The following SEMA3E variants were observed in gnomAD, a reference collection of about 807,000 sequenced individuals.
SEMA3E encodes the protein semaphorin-3E.
In SEMA3E, 49 loss-of-function variants were observed where a neutral mutation model predicts 93.6. The ratio of observed to expected loss-of-function variants is 0.52; its 90% CI spans 0.42 to 0.66. The LOEUF is 0.66. SEMA3E is among the 30% of genes least tolerant of loss of function. The probability of loss-of-function intolerance (pLI) is 0.00; values close to 1 mark genes in which losing one functional copy is unlikely to be tolerated. For synonymous variants in SEMA3E, 363 were observed against 330.7 expected (o/e 1.10, Z -1.06); for missense variants, 906 against 964.8 (o/e 0.94, Z 0.81).
chr7:83,528,433 G>A (rs1049934484), intron 1 of SEMA3E, among the ~76,000 whole-genome samples: 1 of 152,102 alleles, frequency 6.6e-6, no homozygotes, highest in Non-Finnish European at 1.5e-5. Context: ...ATTTATGAGA[G>A]ATCAGACCAT....
intron 1 of SEMA3E, among the ~76,000 whole-genome samples, chr7:83,523,080 T>C (rs1335028267): frequency 6.6e-6 from 1 of 152,058 alleles, no homozygotes; most frequent in African/African-American, 2.4e-5. Context: ...AAATAGGAAG[T>C]TGGCAGATGG....
intron 1 of SEMA3E, among the ~76,000 whole-genome samples, chr7:83,555,184 T>C (rs1001662567): frequency 2.6e-5 from 4 of 152,102 alleles, no homozygotes; most frequent in African/African-American, 9.7e-5. Flanking sequence ...AAATAAAAAA[T>C]AAAAATTCGC....
chr7:83,379,014 T>A (rs1787718072), intron 16 of SEMA3E, among the ~76,000 whole-genome samples: 1 of 151,708 alleles, frequency 6.6e-6, no homozygotes, highest in Non-Finnish European at 1.5e-5. Flanking sequence ...TGTCAATGGA[T>A]GATTGGATAA....
chr7:83,460,828 CCTTTTCCCA>C (rs920620752), intron 4 of SEMA3E, among the ~76,000 whole-genome samples: 4 of 151,500 alleles, frequency 2.6e-5, no homozygotes, highest in African/African-American at 9.7e-5. Flanking sequence ...TGCCCCAACC[CCTTTTCCCA>C]CTTTTCTGGA....
chr7:83,647,915 G>T (rs1794100123), intron 1 of SEMA3E, among the ~76,000 whole-genome samples: 1 of 152,086 alleles, frequency 6.6e-6, no homozygotes, highest in Admixed American at 6.5e-5. Flanking sequence ...ACAGTTATGG[G>T]TAGGGCATCA....
intron 4 of SEMA3E, among the ~76,000 whole-genome samples, chr7:83,420,223 A>G (rs1358793329): frequency 6.6e-6 from 1 of 152,146 alleles, no homozygotes; most frequent in Non-Finnish European, 1.5e-5. Context: ...ATATCTACAA[A>G]TACATCTAAG....
intron 1 of SEMA3E, among the ~76,000 whole-genome samples, chr7:83,618,326 C>A (rs1793470969): frequency 6.6e-6 from 1 of 152,016 alleles, no homozygotes; most frequent in Non-Finnish European, 1.5e-5. Context: ...TTCTCAGATA[C>A]CGTGGAATCT....
chr7:83,594,942 G>A (rs1437764699), intron 1 of SEMA3E, among the ~76,000 whole-genome samples: 11 of 144,116 alleles, frequency 7.6e-5, no homozygotes, highest in Admixed American at 2.8e-4. Context: ...GAGTTTTCCA[G>A]AGAACTTCTG....
chr7:83,481,443 A>G (rs1165403203), intron 2 of SEMA3E, among the ~76,000 whole-genome samples: 1 of 152,218 alleles, frequency 6.6e-6, no homozygotes, highest in African/African-American at 2.4e-5. Flanking sequence ...GATTGAAATC[A>G]AAATTCTCAT....
At chr7:83,412,774 AAAAAC>A (rs1788467060) in intron 5 of SEMA3E, among the ~76,000 whole-genome samples, 1 of 151,974 alleles carries the variant, frequency 6.6e-6, no homozygotes, top group African/African-American at 2.4e-5. Context: ...AAAAAAAAAA[AAAAAC>A]ACACAGGATA....
intron 1 of SEMA3E, among the ~76,000 whole-genome samples, chr7:83,493,148 C>T (rs935159737): frequency 1.3e-5 from 2 of 151,810 alleles, no homozygotes; most frequent in Non-Finnish European, 2.9e-5. Flanking sequence ...AGAAGCAAAT[C>T]GACACTTAGA....
rs2255820 is a variant in SEMA3E, at chr7:83,400,323, A to C, written c.1144-73T>G. The C allele has an allele frequency of 0.25, 332,419 of 1,343,336 alleles. 43,429 individuals carry two copies. The highest frequency in any genetic ancestry group is 0.38 in the East Asian group (16,655 of 43,530). 83.2% of individuals were successfully genotyped at this position (1,343,336 alleles called of 1,614,324 possible). ...AGAAAATTTATAATCAATTATGAGA[A>C]GAATCAGAAAAATTGAAGTTGTCAA... On this transcript the variant is annotated intron_variant, in intron 10 of 16. Coordinates refer to ENST00000643230, the MANE Select transcript of SEMA3E (RefSeq NM_012431.3).
chr7:83,423,973 T>C (rs1182032200), intron 4 of SEMA3E, among the ~76,000 whole-genome samples: 3 of 152,214 alleles, frequency 2.0e-5, no homozygotes, highest in Non-Finnish European at 4.4e-5. Context: ...TGTATGTTTT[T>C]TGCAGATTAT....
In SEMA3E at chr7:83,405,356, C is replaced by T. The variant is rs920118150; in HGVS notation, c.998+94G>A. On this transcript the variant is annotated intron_variant, in intron 9 of 16. Coordinates refer to ENST00000643230, the MANE Select transcript of SEMA3E (RefSeq NM_012431.3). ...TAGAAAATGAGAAGAGCAACTGGGT[C>T]AATAGTCTTTCAACTTATATACACC... is the stretch of plus-strand genomic sequence containing the variant. The T allele has an allele frequency of 1.2e-5, 11 of 884,058 alleles. No individual in the cohort carries two copies. In the African/African-American group the frequency reaches 1.3e-4, roughly 11 times the overall value. 54.8% of individuals were successfully genotyped at this position (884,058 alleles called of 1,614,324 possible).
chr7:83,593,779 T>C (rs1792810515), intron 1 of SEMA3E, among the ~76,000 whole-genome samples: 1 of 151,598 alleles, frequency 6.6e-6, no homozygotes, highest in Non-Finnish European at 1.5e-5. Flanking sequence ...TAAAAGAGAG[T>C]TCGGATGTAC....
intron 4 of SEMA3E, among the ~76,000 whole-genome samples, chr7:83,460,165 A>G (rs754151996): frequency 3.3e-5 from 5 of 152,166 alleles, no homozygotes; most frequent in Non-Finnish European, 7.3e-5. Flanking sequence ...TGGGAGATCA[A>G]TTCCCTGTCC....
intron 9 of SEMA3E, among the ~76,000 whole-genome samples, chr7:83,403,885 C>CT (rs1345852046): frequency 1.3e-5 from 2 of 151,882 alleles, no homozygotes; most frequent in African/African-American, 4.8e-5. Flanking sequence ...CAGGTAACAG[C>CT]TGGGAAGCTT....
At chr7:83,444,930 C>T (rs1406866840) in intron 4 of SEMA3E, among the ~76,000 whole-genome samples, 1 of 152,134 alleles carries the variant, frequency 6.6e-6, no homozygotes, top group Non-Finnish European at 1.5e-5. Context: ...TTTGGCCTCC[C>T]AAAGTGCTGG....
chr7:83,371,755 T>C (rs1022810799), intron 16 of SEMA3E: 1 of 152,110 alleles, frequency 6.6e-6, no homozygotes, highest in Non-Finnish European at 1.5e-5. Context: ...TCACAGCTCT[T>C]ACTCTGAACA....
Sources: gnomAD v4.1 joint callset for allele counts (sites outside exome capture counted in the v4.1 genomes callset) on GRCh38, gnomAD v4.1.1 for gene constraint, MANE v1.5 for transcripts, NCBI Gene and HGNC (gene_info 2026-07-23, HGNC 2026-07-21) for gene names.